The following GPNMB variants were observed in gnomAD, a reference collection of about 807,000 sequenced individuals.
GPNMB encodes transmembrane glycoprotein NMB.
A neutral mutation model predicts 57.3 loss-of-function variants in GPNMB; 71 were observed. That is an observed-to-expected ratio of 1.24 (90% CI 1.02 to 1.51). The LOEUF (loss-of-function observed/expected upper bound fraction) is 1.51, where lower values mean the gene tolerates loss of function less well. Among genes scored for constraint, GPNMB ranks in the 40% most tolerant of loss-of-function variants. GPNMB has a pLI of 0.00. For missense variants in GPNMB, 677 were observed against 691.9 expected (o/e 0.98, Z 0.24); for synonymous variants, 253 against 263.2 (o/e 0.96, Z 0.38).
chr7:23,274,296 T>C lies in GPNMB; in HGVS notation c.*72T>C. The C allele has an allele frequency of 9.2e-7, 1 of 1,081,630 alleles. No homozygotes were observed. The highest frequency in any genetic ancestry group is 1.4e-5 in the South Asian group (1 of 69,036). The allele number at this position is 1,081,630 out of a possible 1,614,324, so 67.0% of individuals were successfully genotyped here. ...AGATGTGCTGGAGTGGCTATTAACC[T>C]TTTTTTCCTAAAGATTATTGTTAAA... On this transcript the variant is annotated 3_prime_UTR_variant, in exon 11 of 11. Transcript: ENST00000258733.
At chr7:23,258,087 T>C (rs1162300240) in intron 4 of GPNMB, 1 of 152,208 alleles carries the variant, frequency 6.6e-6, no homozygotes, top group Non-Finnish European at 1.5e-5. Flanking sequence ...ATGGTATTCA[T>C]TTTGTTGTAT....
intron 9 of GPNMB, 129 bp downstream of exon 9, chr7:23,270,304 A>G (rs746322450): frequency 2.9e-5 from 18 of 630,126 alleles, no homozygotes; most frequent in Middle Eastern, 4.0e-4. Context: ...TTGAACTCTT[A>G]TTAATAAGGA....
chr7:23,272,749 A>G (rs1189288931), intron 9 of GPNMB, among the ~76,000 whole-genome samples: 1 of 152,220 alleles, frequency 6.6e-6, no homozygotes, highest in Non-Finnish European at 1.5e-5. Flanking sequence ...TTCTAGGCAG[A>G]AGATACAGTT....
At chr7:23,249,559 C>A (rs948081140) in intron 1 of GPNMB, among the ~76,000 whole-genome samples, 3 of 152,102 alleles carry the variant, frequency 2.0e-5, no homozygotes, top group Non-Finnish European at 4.4e-5. Flanking sequence ...CAGTATGTAA[C>A]CTTTTGAGAT....
chr7:23,254,305 C>T lies in GPNMB; in HGVS notation c.360C>T (p.Cys120=), dbSNP rs1330712727. The part of the protein sequence containing the change: ...ANGNIVYEKN[C]RNEAGLSADP... ...GCAACATAGTCTATGAGAAGAACTG[C>T]AGAAATGGTAAGAACACAGTATTCT... The change falls in exon 3 of 11, where the codon TGC becomes TGT. Residue 120 remains cysteine, a synonymous_variant. Coordinates refer to ENST00000258733, the MANE Select transcript of GPNMB (RefSeq NM_002510.3). The T allele has an allele frequency of 2.5e-6, 4 of 1,612,340 alleles. No homozygotes were observed. Among genetic ancestry groups the T allele is most frequent in the Admixed American group, 3.3e-5 (2 of 59,954 alleles).
Position 23,254,243 on chromosome 7 carries a change from C to G in GPNMB, c.298C>G (p.Leu100Val), listed in dbSNP as rs767058218. ...CTCAAATATAACATTTGCGGTGAAC[C>G]TGATATTCCCTAGATGCCAAAAGGA... ...VGSNITFAVN[L>V]IFPRCQKEDA... The change falls in exon 3 of 11, where the codon CTG becomes GTG. Residue 100 changes from leucine (L) to valine (V), a missense_variant. Coordinates refer to ENST00000258733, the MANE Select transcript of GPNMB (RefSeq NM_002510.3). 1 of 1,613,630 alleles carries G rather than the reference C, an allele frequency of 6.2e-7. No homozygotes were observed. The highest frequency in any genetic ancestry group is 1.1e-5 in the South Asian group (1 of 91,058).
intron 9 of GPNMB, among the ~76,000 whole-genome samples, chr7:23,271,596 G>A (rs1027235467): frequency 1.3e-5 from 2 of 152,180 alleles, no homozygotes; most frequent in Admixed American, 6.5e-5. Flanking sequence ...AGGAGTTCCA[G>A]GCCAGCCTGG....
chr7:23,264,321 C>T (rs1783006437), intron 6 of GPNMB, among the ~76,000 whole-genome samples: 1 of 152,042 alleles, frequency 6.6e-6, no homozygotes, highest in African/African-American at 2.4e-5. Flanking sequence ...TTGAATCATA[C>T]CTTGACTTTA....
rs556145119 is a variant in GPNMB, at chr7:23,260,862, G to T, written c.1018+89G>T. On this transcript the variant is annotated intron_variant, in intron 6 of 10. Coordinates refer to ENST00000258733, the MANE Select transcript of GPNMB (RefSeq NM_002510.3). Reference sequence around the variant, plus strand: ...CATATTATTAAATCCCTCCTTAAGGGGATATTGTAAGGACTCTGCGGTGAT... The same window carrying T: ...CATATTATTAAATCCCTCCTTAAGGTGATATTGTAAGGACTCTGCGGTGAT... 3.1e-5 allele frequency: 33 copies of T among 1,078,530 alleles called. 1 individual carries two copies. In the African/African-American group the frequency reaches 4.3e-4, roughly 14 times the overall value. The allele number at this position is 1,078,530 out of a possible 1,614,324, so 66.8% of individuals were successfully genotyped here.
intron 10 of GPNMB, 56 bp from the exon 11 acceptor site, chr7:23,274,009 T>C: frequency 1.5e-6 from 2 of 1,337,172 alleles, no homozygotes; most frequent in African/African-American, 1.5e-5. Context: ...TTGTAGAAAG[T>C]TGTATATTTC....
chr7:23,272,101 G>A (rs750546385), intron 9 of GPNMB, among the ~76,000 whole-genome samples: 4 of 152,150 alleles, frequency 2.6e-5, no homozygotes, highest in Admixed American at 1.3e-4. Flanking sequence ...CCATGGACTC[G>A]GATGCAGTCA....
At position 23,260,247 on chromosome 7, in the gene GPNMB, G is replaced by A. The variant is rs1562637524; in HGVS notation, c.700+109G>A. On this transcript the variant is annotated intron_variant, in intron 5 of 10. Coordinates refer to ENST00000258733, the MANE Select transcript of GPNMB (RefSeq NM_002510.3). ...TCGGGGTTAGGTTACAATGCATCTG[G>A]CCCACCTAAGCTTGTGTATTTAATT... is the stretch of plus-strand genomic sequence containing the variant. The A allele has an allele frequency of 4.3e-6, 5 of 1,160,908 alleles. No homozygotes were observed. In the East Asian group the frequency reaches 1.2e-4, roughly 27 times the overall value. The allele number at this position is 1,160,908 out of a possible 1,614,324, so 71.9% of individuals were successfully genotyped here.
intron 3 of GPNMB, among the ~76,000 whole-genome samples, chr7:23,254,522 C>G (rs1007616802): frequency 1.3e-5 from 2 of 152,208 alleles, no homozygotes; most frequent in South Asian, 4.1e-4. Flanking sequence ...CAGTGGCTCT[C>G]CCTTGCTTGG....
rs181017505 is a variant in GPNMB, at chr7:23,260,007, G to A, written c.569G>A (p.Cys190Tyr). ...LGQYFQKLGR[C>Y]SVRVSVNTAN... ...CAGTATTTCCAGAAATTGGGACGATGTTCAGTGAGAGTTTCTGTGAACACA... is the reference window on the plus strand; with the variant it reads ...CAGTATTTCCAGAAATTGGGACGATATTCAGTGAGAGTTTCTGTGAACACA... Residue 190 changes from cysteine (C) to tyrosine (Y), a missense_variant, in exon 5 of 11, where the codon TGT (cysteine) becomes TAT (tyrosine). Physicochemically the swap from Cys to Tyr is radical, Grantham distance 194 (BLOSUM62 -2). Transcript: ENST00000258733. The A allele has an allele frequency of 1.9e-6, 3 of 1,614,178 alleles. No individual in the cohort carries two copies. The highest frequency in any genetic ancestry group is 1.7e-6 in the Non-Finnish European group (2 of 1,180,012).
At chr7:23,255,560 A>G (rs1251838872) in intron 3 of GPNMB, among the ~76,000 whole-genome samples, 1 of 152,146 alleles carries the variant, frequency 6.6e-6, no homozygotes, top group Non-Finnish European at 1.5e-5. Context: ...TCTTTTGTAT[A>G]TATTCCCAGC....
chr7:23,267,081 T>C (rs1186725710), intron 7 of GPNMB, among the ~76,000 whole-genome samples: 1 of 152,236 alleles, frequency 6.6e-6, no homozygotes, highest in African/African-American at 2.4e-5. Context: ...AGAGGGGAAC[T>C]GAAGCCCAAC....
chr7:23,247,302 C>G (rs763407351), intron 1 of GPNMB: 2 of 260,294 alleles, frequency 7.7e-6, no homozygotes, highest in African/African-American at 2.2e-5. Context: ...AGGGTGGAGA[C>G]CTCACATGAA....
intron 1 of GPNMB, among the ~76,000 whole-genome samples, chr7:23,248,959 T>A (rs879643236): frequency 6.6e-6 from 1 of 152,146 alleles, no homozygotes; most frequent in Non-Finnish European, 1.5e-5. Flanking sequence ...AATTTTTGTA[T>A]TTTTTGTAGA....
intron 1 of GPNMB, chr7:23,250,793 T>A (rs892708323): frequency 3.3e-5 from 5 of 152,202 alleles, no homozygotes; most frequent in African/African-American, 1.2e-4. Context: ...TCTGGAACAG[T>A]GGAAAGAACT....
Sources: gnomAD v4.1 joint callset for allele counts (sites outside exome capture counted in the v4.1 genomes callset) on GRCh38, gnomAD v4.1.1 for gene constraint, MANE v1.5 for transcripts, NCBI Gene and HGNC (gene_info 2026-07-23, HGNC 2026-07-21) for gene names.